Variants in XKR4 observed in about 807,000 individuals in gnomAD.
XKR4 encodes the protein XK-related protein 4.
Under a neutral mutation model 53.9 loss-of-function variants are expected in XKR4, and 12 were observed. The observed-to-expected ratio is 0.22, with a 90% CI of 0.14 to 0.36. The LOEUF (loss-of-function observed/expected upper bound fraction) is 0.36. XKR4 is among the 10% of genes least tolerant of loss of function. The probability of loss-of-function intolerance (pLI) is 1.00; values close to 1 mark genes in which losing one functional copy is unlikely to be tolerated. For missense variants in XKR4, 799 were observed against 859.5 expected (o/e 0.93, Z 0.88); for synonymous variants, 354 against 362.4 (o/e 0.98, Z 0.26).
At chr8:55,233,484 A>G (rs1411358066) in intron 1 of XKR4, among the ~76,000 whole-genome samples, 3 of 152,156 alleles carry the variant, frequency 2.0e-5, no homozygotes, top group Non-Finnish European at 4.4e-5. Context: ...CTGGAAGGGC[A>G]TGGCCTCATG....
chr8:55,164,141 C>T (rs754226577), intron 1 of XKR4: 1 of 455,336 alleles, frequency 2.2e-6, no homozygotes, highest in Admixed American at 2.4e-5. Flanking sequence ...ACCAGCCCTA[C>T]AGGAGTTTGC....
chr8:55,174,497 C>G (rs1229933426), intron 1 of XKR4, among the ~76,000 whole-genome samples: 1 of 152,100 alleles, frequency 6.6e-6, no homozygotes, highest in East Asian at 1.9e-4. Context: ...AAGTGCTTGT[C>G]ATAAGGCATT....
chr8:55,227,725 G>A (rs1817974829), intron 1 of XKR4, among the ~76,000 whole-genome samples: 1 of 152,172 alleles, frequency 6.6e-6, no homozygotes, highest in Admixed American at 6.5e-5. Flanking sequence ...GAGGAAAGGG[G>A]TGCAAGTGCT....
Position 55,453,552 on chromosome 8 carries a change from G to A in XKR4, c.1007-69729G>A, listed in dbSNP as rs146231110. 3.0e-3 allele frequency: 1,119 copies of A among 378,786 alleles called. 15 individuals are homozygous for A. The highest frequency in any genetic ancestry group is 0.015 in the South Asian group (706 of 48,258). The allele number at this position is 378,786 out of a possible 1,614,324, so 23.5% of individuals were successfully genotyped here. On this transcript the variant is annotated intron_variant, in intron 2 of 2. Transcript: ENST00000327381. ...CACCCATCCAGTAGGGCAGTCATGC[G>A]GGGCCCTGAGGGCCCTGTGGTCCTC...
At chr8:55,499,066 T>C (rs896330765) in intron 2 of XKR4, among the ~76,000 whole-genome samples, 33 of 152,244 alleles carry the variant, frequency 2.2e-4, no homozygotes, top group African/African-American at 7.7e-4. Flanking sequence ...CTTTTTTCAT[T>C]TGGTCTTCTC....
At position 55,523,277 on chromosome 8, in the gene XKR4, G is replaced by A. The variant is rs1350917306; in HGVS notation, c.1007-4G>A. On this transcript the variant is annotated splice_region_variant and splice_polypyrimidine_tract_variant and intron_variant, in intron 2 of 2. Transcript: ENST00000327381. ...ACACACTGTCTTCCTGTTTGCCTTT[G>A]TAGGTTTCACAGCGGCAGCTTCCCT... The A allele has an allele frequency of 1.0e-5, 16 of 1,590,442 alleles. No homozygotes were observed. The highest frequency in any genetic ancestry group is 1.3e-5 in the Non-Finnish European group (15 of 1,167,902).
At position 55,134,519 on chromosome 8, in the gene XKR4, C is replaced by G. The variant is rs80073641; in HGVS notation, c.806+31225C>G. On this transcript the variant is annotated intron_variant, in intron 1 of 2. Coordinates refer to ENST00000327381, the MANE Select transcript of XKR4 (RefSeq NM_052898.2). ...AACTACGTTCATTCATGCATTCACT[C>G]TCTCTCTGTTCATTCTTCCCAGCAT... Among the ~76,000 whole-genome samples the G allele has an allele frequency of 2.4e-3, 371 of 152,332 alleles. 8 individuals are homozygous for G. In the East Asian group the frequency reaches 0.06, roughly 25 times the overall value.
chr8:55,312,631 TC>T (rs1382046437), intron 1 of XKR4, among the ~76,000 whole-genome samples: 4 of 152,232 alleles, frequency 2.6e-5, no homozygotes, highest in Admixed American at 2.0e-4. Context: ...TGTTGGAATG[TC>T]GGTAGAACAA....
At chr8:55,278,977 A>G (rs1396202971) in intron 1 of XKR4, among the ~76,000 whole-genome samples, 1 of 152,230 alleles carries the variant, frequency 6.6e-6, no homozygotes, top group Non-Finnish European at 1.5e-5. Context: ...AAAAACCCAG[A>G]CATTCACTAG....
chr8:55,200,233 A>G (rs555376399), intron 1 of XKR4, among the ~76,000 whole-genome samples: 36 of 152,156 alleles, frequency 2.4e-4, no homozygotes, highest in African/African-American at 6.5e-4. Context: ...ACGCCCAGCT[A>G]ATTTTTGTAT....
At chr8:55,175,989 C>T (rs954880471) in intron 1 of XKR4, among the ~76,000 whole-genome samples, 10 of 152,090 alleles carry the variant, frequency 6.6e-5, no homozygotes, top group African/African-American at 2.4e-4. Context: ...ATATTAATAT[C>T]CATAAAAATA....
At chr8:55,292,049 T>A (rs918309548) in intron 1 of XKR4, among the ~76,000 whole-genome samples, 1 of 152,152 alleles carries the variant, frequency 6.6e-6, no homozygotes, top group African/African-American at 2.4e-5. Flanking sequence ...TGGTATATAA[T>A]TTTTATATGT....
intron 2 of XKR4, among the ~76,000 whole-genome samples, chr8:55,458,362 C>T (rs561134682): frequency 2.0e-4 from 30 of 152,278 alleles, no homozygotes; most frequent in Admixed American, 1.6e-3. Flanking sequence ...TTCTGGGCAA[C>T]CAGCAGGAGC....
At chr8:55,450,109 C>A in intron 2 of XKR4, 1 of 706,070 alleles carries the variant, frequency 1.4e-6, no homozygotes, top group Non-Finnish European at 2.6e-6. Flanking sequence ...GTCCTTCCAG[C>A]GCTTAGCGGG....
intron 1 of XKR4, among the ~76,000 whole-genome samples, chr8:55,227,093 C>T (rs1222614988): frequency 1.3e-5 from 2 of 152,316 alleles, no homozygotes; most frequent in East Asian, 3.9e-4. Context: ...CAACCCCCAC[C>T]TTCTGCCAGT....
intron 1 of XKR4, among the ~76,000 whole-genome samples, chr8:55,302,423 G>T (rs1306466282): frequency 6.6e-6 from 1 of 152,132 alleles, no homozygotes; most frequent in Non-Finnish European, 1.5e-5. Context: ...TTGAAGTCAG[G>T]TAGCATGATG....
At position 55,103,097 on chromosome 8, in the gene XKR4, G is replaced by A. The variant is rs776945949; in HGVS notation, c.609G>A (p.Gly203=). Reference sequence around the variant, plus strand: ...TGGTCGGCGGTGGGTCTGCAGCCGGGGAAGGCGAGGCTCGTCCTTCCACGC... The same window carrying A: ...TGGTCGGCGGTGGGTCTGCAGCCGGAGAAGGCGAGGCTCGTCCTTCCACGC... The part of the protein sequence containing the change: ...KTVVGGGSAA[G]EGEARPSTPQ... The change falls in exon 1 of 3, where the codon GGG becomes GGA. Residue 203 remains glycine, a synonymous_variant. Coordinates refer to ENST00000327381, the MANE Select transcript of XKR4 (RefSeq NM_052898.2). 6.2e-7 allele frequency: 1 copy of A among 1,613,302 alleles called. No individual in the cohort carries two copies. Among genetic ancestry groups the A allele is most frequent in the Non-Finnish European group, 8.5e-7 (1 of 1,179,914 alleles).
At chr8:55,438,012 A>G (rs2129394436) in intron 2 of XKR4, among the ~76,000 whole-genome samples, 1 of 152,252 alleles carries the variant, frequency 6.6e-6, no homozygotes, top group South Asian at 2.1e-4. Flanking sequence ...GGCAGAAACA[A>G]GATGAATAGA....
chr8:55,132,696 G>T (rs965655573), intron 1 of XKR4, among the ~76,000 whole-genome samples: 2 of 152,190 alleles, frequency 1.3e-5, no homozygotes, highest in African/African-American at 4.8e-5. Flanking sequence ...TAACTTCAAG[G>T]TGGTGTGGCT....
Sources: allele counts gnomAD v4.1 joint callset (sites outside exome capture counted in the v4.1 genomes callset), GRCh38; gene constraint gnomAD v4.1.1; transcripts MANE v1.5; gene names NCBI Gene and HGNC (gene_info 2026-07-23, HGNC 2026-07-21).